Variants in PRDM15 observed in about 807,000 individuals in gnomAD.
The protein encoded by PRDM15 is PR domain zinc finger protein 15.
In PRDM15, 64 loss-of-function variants were observed where a neutral mutation model predicts 128.6. The observed-to-expected ratio is 0.50, with a 90% confidence interval of 0.41 to 0.61. The LOEUF (loss-of-function observed/expected upper bound fraction) is 0.61, where lower values mean the gene tolerates loss of function less well. PRDM15 is among the 20% of genes least tolerant of loss of function. The probability of loss-of-function intolerance (pLI) is 0.00; values close to 1 mark genes in which losing one functional copy is unlikely to be tolerated. For synonymous variants in PRDM15, 615 were observed against 621.8 expected (o/e 0.99, Z 0.16); for missense variants, 1,242 against 1,569.1 (o/e 0.79, Z 3.52).
intron 18 of PRDM15, among the ~76,000 whole-genome samples, chr21:41,816,894 T>TA (rs66937227): frequency 2.0e-5 from 3 of 149,472 alleles, no homozygotes; most frequent in East Asian, 1.9e-4. Context: ...TCCTTTTGAT[T>TA]AAAAAAAAAA....
In PRDM15 at chr21:41,866,131, GC is replaced by G. The variant is rs550640801; in HGVS notation, c.-9-5760del. Among the ~76,000 whole-genome samples, 221 of 152,196 alleles carry G rather than the reference GC, an allele frequency of 1.5e-3. 1 individual carries two copies. The highest frequency in any genetic ancestry group is 2.8e-3 in the Non-Finnish European group (191 of 68,002). On this transcript the variant is annotated intron_variant, in intron 1 of 23. Transcript: ENST00000398548. ...TCAATTCTTATGTATTTTGTATGTAGCACCCTATGTATAAGAGAGCCCTGAT... is the reference window on the plus strand; with the variant it reads ...TCAATTCTTATGTATTTTGTATGTAGACCCTATGTATAAGAGAGCCCTGAT...
At position 41,854,798 on chromosome 21, in the gene PRDM15, G is replaced by T; in HGVS notation, c.306C>A (p.His102Gln). 1 of 1,602,954 alleles carries T rather than the reference G, an allele frequency of 6.2e-7. No homozygotes were observed. Among genetic ancestry groups the T allele is most frequent in the Non-Finnish European group, 8.5e-7 (1 of 1,171,396 alleles). ...FPLKVFQKDG[H>Q]PVCFDTSNED... is the part of the protein sequence containing the mutation. ...CGTTGGAGGTGTCGAAGCACACGGG[G>T]TGCCCGTCCTTCTGGAACACCTGAA... The change falls in exon 5 of 24, where the codon CAC becomes CAA. Residue 102 changes from histidine (H) to glutamine (Q), a missense_variant. This residue lies in a region of PRDM15 where 612 missense variants were observed against 717.0 expected (regional missense o/e 0.85). Transcript: ENST00000398548. The surrounding 1 kb of genome is among the most constrained non-coding windows in gnomAD (Gnocchi z 4.6).
intron 18 of PRDM15, 107 bp downstream of exon 18, chr21:41,819,475 A>ACCCCCCTTCCCCCCACCCCCC: frequency 6.3e-6 from 1 of 159,086 alleles, no homozygotes; most frequent in Non-Finnish European, 1.0e-5. Flanking sequence ...CGCCCCCGCC[A>ACCCCCCTTCCCCCCACCCCCC]CACCCACCTT....
intron 6 of PRDM15, among the ~76,000 whole-genome samples, chr21:41,843,095 GTTT>G (rs1000721182): frequency 6.6e-6 from 1 of 151,022 alleles, no homozygotes; most frequent in Non-Finnish European, 1.5e-5. Flanking sequence ...TGATTTTTTT[GTTT>G]TTTTGTTTGT....
At chr21:41,849,461 G>A (rs1018020445) in intron 5 of PRDM15, among the ~76,000 whole-genome samples, 8 of 152,074 alleles carry the variant, frequency 5.3e-5, no homozygotes, top group Non-Finnish European at 1.2e-4. Context: ...TACAGCTCTT[G>A]AGAGGCTGAG....
In PRDM15 at chr21:41,834,658, T is replaced by C; in HGVS notation, c.1366+779A>G. 4.1e-6 allele frequency: 4 copies of C among 965,614 alleles called. No homozygotes were observed. In the Admixed American group the frequency reaches 8.1e-5, roughly 20 times the overall value. The allele number at this position is 965,614 out of a possible 1,614,324, so 59.8% of individuals were successfully genotyped here. On this transcript the variant is annotated intron_variant, in intron 11 of 23. Transcript: ENST00000398548. ...TTGGGCCTCCAGTGCCACCCACCACTGGGAATGGGGAAGGTGTGACTCCCA... is the reference window on the plus strand; with the variant it reads ...TTGGGCCTCCAGTGCCACCCACCACCGGGAATGGGGAAGGTGTGACTCCCA...
At position 41,866,116 on chromosome 21, in the gene PRDM15, T is replaced by C. The variant is rs1474148341; in HGVS notation, c.-9-5744A>G. Among the ~76,000 whole-genome samples the C allele has an allele frequency of 3.3e-5, 5 of 152,210 alleles. No homozygotes were observed. The South Asian group carries it at 8.3e-4, about 25-fold the overall frequency. On this transcript the variant is annotated intron_variant, in intron 1 of 23. Coordinates refer to ENST00000398548, the MANE Select transcript of PRDM15 (RefSeq NM_001040424.3). ...ACTCACTCCTTTTGTTCAATTCTTA[T>C]GTATTTTGTATGTAGCACCCTATGT...
intron 18 of PRDM15, among the ~76,000 whole-genome samples, chr21:41,818,416 A>G (rs1002374239): frequency 2.0e-5 from 3 of 151,750 alleles, no homozygotes; most frequent in Admixed American, 6.6e-5. Context: ...ACCTGTTTGT[A>G]TTGTTTAAAA....
chr21:41,872,631 T>A (rs1487243928), intron 1 of PRDM15, among the ~76,000 whole-genome samples: 1 of 152,212 alleles, frequency 6.6e-6, no homozygotes, highest in African/African-American at 2.4e-5. Context: ...AGCGTATCCA[T>A]CATCTCAAAC....
chr21:41,851,178 T>C (rs1179890452), intron 5 of PRDM15, among the ~76,000 whole-genome samples: 1 of 152,042 alleles, frequency 6.6e-6, no homozygotes, highest in Non-Finnish European at 1.5e-5. Flanking sequence ...TCTCTGGGAG[T>C]GTCCACCCCA....
chr21:41,873,034 T>A (rs2064270488), intron 1 of PRDM15, among the ~76,000 whole-genome samples: 1 of 152,120 alleles, frequency 6.6e-6, no homozygotes, highest in Non-Finnish European at 1.5e-5. Flanking sequence ...CCTTACAGTT[T>A]TTCACCGGGT....
intron 1 of PRDM15, among the ~76,000 whole-genome samples, chr21:41,863,657 G>A (rs77117747): frequency 0.011 from 1,750 of 152,192 alleles, 43 homozygotes; most frequent in African/African-American, 0.04. Flanking sequence ...TACACGGAAC[G>A]CTCCGTGAAG....
chr21:41,879,037 C>CG lies in PRDM15; in HGVS notation c.-10+232dup. 1.8e-6 allele frequency: 2 copies of CG among 1,114,594 alleles called. No individual in the cohort carries two copies. The highest frequency in any genetic ancestry group is 4.1e-5 in the South Asian group (2 of 48,704). The allele number at this position is 1,114,594 out of a possible 1,614,324, so 69.0% of individuals were successfully genotyped here. On this transcript the variant is annotated intron_variant, in intron 1 of 23. Coordinates refer to ENST00000398548, the MANE Select transcript of PRDM15 (RefSeq NM_001040424.3). The surrounding 1 kb of genome is among the most constrained non-coding windows in gnomAD (Gnocchi z 5.1). ...GCGCAGGGCGATCCCGGAGCGGCTC[C>CG]GGGAAATCCAGCCGGGTTTTGACTC...
rs1314846602 is a variant in PRDM15, at chr21:41,806,697, ACCC to A, written c.2653-2086_2653-2084del. On this transcript the variant is annotated intron_variant, in intron 21 of 23. Transcript: ENST00000398548. Reference sequence around the variant, plus strand: ...CATCACCACCACCATCACCACCACCACCCATCACTACCACCAACATCACCACCA... The same window carrying A: ...CATCACCACCACCATCACCACCACCAATCACTACCACCAACATCACCACCA... Among the ~76,000 whole-genome samples, 81 of 54,680 alleles carry A rather than the reference ACCC, an allele frequency of 1.5e-3. 8 individuals carry two copies. The highest frequency in any genetic ancestry group is 5.8e-3 in the South Asian group (5 of 864). The allele number at this position is 54,680 out of a possible 152,430, so 35.9% of individuals were successfully genotyped here. A position where few individuals can be genotyped will look rare whatever the true frequency, so the allele number is the denominator to read the frequency against.
At chr21:41,837,902 C>A (rs1443775231) in intron 8 of PRDM15, 32 bp downstream of exon 8, 2 of 1,613,502 alleles carry the variant, frequency 1.2e-6, no homozygotes, top group Non-Finnish European at 1.7e-6. Context: ...TGTCTGTCCA[C>A]AGGACGGCCC....
Position 41,810,081 on chromosome 21 carries a change from C to T in PRDM15, c.2652+73G>A. The T allele has an allele frequency of 6.8e-7, 1 of 1,469,830 alleles. No homozygotes were observed. Among genetic ancestry groups the T allele is most frequent in the African/African-American group, 1.4e-5 (1 of 72,662 alleles). The allele number at this position is 1,469,830 out of a possible 1,614,324, so 91.0% of individuals were successfully genotyped here. A position where few individuals can be genotyped will look rare whatever the true frequency, so the allele number is the denominator to read the frequency against. On this transcript the variant is annotated intron_variant, in intron 21 of 23. Coordinates refer to ENST00000398548, the MANE Select transcript of PRDM15 (RefSeq NM_001040424.3). The surrounding 1 kb of genome is among the most constrained non-coding windows in gnomAD (Gnocchi z 6.4). ...TGGGGGTCTGCAGAGGGAGGTGGGCCATGTGCCAGCATGGGGGTGTCCGGT... is the reference window on the plus strand; with the variant it reads ...TGGGGGTCTGCAGAGGGAGGTGGGCTATGTGCCAGCATGGGGGTGTCCGGT...
At chr21:41,831,035 G>A (rs1009753126) in intron 11 of PRDM15, among the ~76,000 whole-genome samples, 4 of 152,250 alleles carry the variant, frequency 2.6e-5, no homozygotes, top group Admixed American at 1.3e-4. Context: ...TGTCGCCAAC[G>A]TGGGAGGACA....
intron 7 of PRDM15, among the ~76,000 whole-genome samples, chr21:41,838,522 AC>A (rs1360046618): frequency 6.6e-6 from 1 of 152,206 alleles, no homozygotes; most frequent in African/African-American, 2.4e-5. Context: ...AATACTGGAG[AC>A]CCTGGCCAGA....
intron 1 of PRDM15, chr21:41,874,623 T>C (rs1478813088): frequency 7.4e-5 from 11 of 147,664 alleles, no homozygotes; most frequent in South Asian, 2.2e-4. Flanking sequence ...GTCCAGTGAG[T>C]GGACAGTTAA....
Sources: allele counts gnomAD v4.1 joint callset (sites outside exome capture counted in the v4.1 genomes callset), GRCh38; gene constraint gnomAD v4.1.1; regional missense constraint gnomAD v4.1.1; non-coding constraint Gnocchi (gnomAD v3.1); transcripts MANE v1.5; gene names NCBI Gene and HGNC (gene_info 2026-07-23, HGNC 2026-07-21).